NHS: variants seen among roughly 807,000 people sequenced by gnomAD.
The protein encoded by NHS is NHS actin remodeling regulator.
NHS carries 5 observed loss-of-function variants against 72.5 expected under a neutral mutation model. The observed-to-expected ratio is 0.07, with a 90% confidence interval of 0.04 to 0.14. The LOEUF (loss-of-function observed/expected upper bound fraction) is 0.14. Ranked by LOEUF, NHS falls within the 10% of genes least tolerant of loss-of-function variation. The pLI is 1.00. For missense variants in NHS, 1,072 were observed against 1,355.7 expected, an observed-to-expected ratio of 0.79 and a Z score of 3.29; for synonymous variants, 464 against 547.7, an observed-to-expected ratio of 0.85 and a Z score of 2.13.
intron 1 of NHS, among the ~76,000 whole-genome samples, chrX:17,511,178 C>T (rs981128634): frequency 2.7e-5 from 3 of 111,796 alleles, no homozygotes; most frequent in Non-Finnish European, 3.8e-5. Context: ...GCTGGGAGGC[C>T]CTCATGCCTG....
At chrX:17,421,473 A>C (rs1299228292) in intron 1 of NHS, among the ~76,000 whole-genome samples, 2 of 112,209 alleles carry the variant, frequency 1.8e-5, no homozygotes, top group African/African-American at 6.5e-5. Context: ...GTGAATATTT[A>C]TCATTTGAAC....
At chrX:17,687,456 G>A (rs2066169537) in intron 1 of NHS, 1 of 363,087 alleles carries the variant, frequency 2.8e-6, no homozygotes, top group Admixed American at 4.2e-5. Flanking sequence ...ATGAGCGACT[G>A]TGCCAAGGGT....
At position 17,672,131 on chromosome X, in the gene NHS, T is replaced by C. The variant is rs376069229; in HGVS notation, c.566-15611T>C. On this transcript the variant is annotated intron_variant, in intron 1 of 8. Coordinates refer to ENST00000676302, the MANE Select transcript of NHS (RefSeq NM_001291867.2). Reference sequence around the variant, plus strand: ...ATATAGCGAGTTCATTGAATTAGTGTACCATTAGCTGCTGTAACAAACCCC... The same window carrying C: ...ATATAGCGAGTTCATTGAATTAGTGCACCATTAGCTGCTGTAACAAACCCC... Among the ~76,000 whole-genome samples, 8 of 112,483 alleles carry C rather than the reference T, an allele frequency of 7.1e-5. No individual in the cohort carries two copies. The East Asian group carries it at 8.4e-4, about 12-fold the overall frequency.
intron 1 of NHS, among the ~76,000 whole-genome samples, chrX:17,416,819 TGAGAGA>T (rs576288851): frequency 9.2e-5 from 9 of 98,196 alleles, no homozygotes; most frequent in South Asian, 4.7e-4. Flanking sequence ...TGTGTGTGTG[TGAGAGA>T]GAGAGAGAGA....
At chrX:17,513,032 T>C (rs1276557985) in intron 1 of NHS, among the ~76,000 whole-genome samples, 1 of 112,182 alleles carries the variant, frequency 8.9e-6, no homozygotes, top group Non-Finnish European at 1.9e-5. Flanking sequence ...ACCTGGAGAC[T>C]GCAACCCTGT....
chrX:17,587,911 A>C (rs1168930136), intron 1 of NHS, among the ~76,000 whole-genome samples: 1 of 112,705 alleles, frequency 8.9e-6, no homozygotes, highest in African/African-American at 3.2e-5. Context: ...AAAGCTAATG[A>C]TCTTGTGAAA....
rs185330985 is a variant in NHS, at chrX:17,545,551, A to G, written c.566-142191A>G. ...CCCTGACTGTAAGAGCAATTGGGAAATGTAGTCCAGCTCCTGCCTGGGGAG... is the reference window on the plus strand; with the variant it reads ...CCCTGACTGTAAGAGCAATTGGGAAGTGTAGTCCAGCTCCTGCCTGGGGAG... On this transcript the variant is annotated intron_variant, in intron 1 of 8. Coordinates refer to ENST00000676302, the MANE Select transcript of NHS (RefSeq NM_001291867.2). 4.2e-4 allele frequency among the ~76,000 whole-genome samples: 47 copies of G among 111,854 alleles called. 1 individual carries two copies. The highest frequency in any genetic ancestry group is 2.4e-3 in the Admixed American group (25 of 10,565).
intron 1 of NHS, among the ~76,000 whole-genome samples, chrX:17,538,851 G>A (rs12392758): frequency 0.025 from 2,743 of 111,751 alleles, 77 homozygotes; most frequent in African/African-American, 0.083. Flanking sequence ...TCCTGGGAGC[G>A]CATTAGATGT....
At chrX:17,481,216 A>T (rs939857004) in intron 1 of NHS, among the ~76,000 whole-genome samples, 1 of 112,027 alleles carries the variant, frequency 8.9e-6, no homozygotes, top group Non-Finnish European at 1.9e-5. Context: ...CATTTAATGA[A>T]TAAGGCGGTG....
chrX:17,429,258 GCA>G (rs2064674445), intron 1 of NHS, among the ~76,000 whole-genome samples: 1 of 94,234 alleles, frequency 1.1e-5, no homozygotes. Flanking sequence ...GTGTGTGTGT[GCA>G]CACGTGCGCG....
At chrX:17,408,162 T>C (rs12843187) in intron 1 of NHS, among the ~76,000 whole-genome samples, 41,519 of 109,093 alleles carry the variant, frequency 0.38, 7,009 homozygotes, top group Non-Finnish European at 0.51. Context: ...TGTGCCACCA[T>C]ACCTGGCTAA....
chrX:17,385,624 A>G (rs953452734), intron 1 of NHS, among the ~76,000 whole-genome samples: 1 of 112,099 alleles, frequency 8.9e-6, no homozygotes, highest in Admixed American at 9.4e-5. Flanking sequence ...ATTGCTCCTC[A>G]GTTTTTAAAA....
intron 1 of NHS, among the ~76,000 whole-genome samples, chrX:17,556,490 G>T (rs2065374195): frequency 8.8e-6 from 1 of 113,086 alleles, no homozygotes; most frequent in Non-Finnish European, 1.9e-5. Flanking sequence ...ACCACAGCAA[G>T]AGCTGATGCT....
In NHS at chrX:17,726,542, C is replaced by A; in HGVS notation, c.2436C>A (p.Gly812=). Reference sequence around the variant, plus strand: ...ATGCAGCCCTGGGCCCAGAGAATGGCCAGGGTGTAGGGGCTTCCCCTGGTC... The same window carrying A: ...ATGCAGCCCTGGGCCCAGAGAATGGACAGGGTGTAGGGGCTTCCCCTGGTC... The part of the protein sequence containing the change: ...CHYAALGPEN[G]QGVGASPGLP... The change falls in exon 7 of 9, where the codon GGC becomes GGA. Residue 812 remains glycine, a synonymous_variant. Transcript: ENST00000676302. 12 of 1,211,947 alleles carry A rather than the reference C, an allele frequency of 9.9e-6. No homozygotes were observed. The highest frequency in any genetic ancestry group is 1.2e-5 in the Non-Finnish European group (11 of 895,534).
At chrX:17,648,557 G>A (rs2065916551) in intron 1 of NHS, among the ~76,000 whole-genome samples, 1 of 112,358 alleles carries the variant, frequency 8.9e-6, no homozygotes, top group Admixed American at 9.4e-5. Flanking sequence ...CCGTAATAAC[G>A]AAGCACCTGT....
chrX:17,629,415 CT>C (rs1269950070), intron 1 of NHS, among the ~76,000 whole-genome samples: 1 of 112,040 alleles, frequency 8.9e-6, no homozygotes, highest in East Asian at 2.8e-4. Context: ...GCAACACTTC[CT>C]TGATGAGAGC....
intron 3 of NHS, among the ~76,000 whole-genome samples, chrX:17,712,262 T>C (rs2066335088): frequency 1.6e-5 from 1 of 61,514 alleles, no homozygotes; most frequent in Admixed American, 1.9e-4. Flanking sequence ...TGTATATATA[T>C]ATATATATAT....
intron 1 of NHS, among the ~76,000 whole-genome samples, chrX:17,562,559 C>G (rs147476256): frequency 9.0e-6 from 1 of 111,068 alleles, no homozygotes; most frequent in Non-Finnish European, 1.9e-5. Context: ...GGGGAGGGCA[C>G]AGATGGTGGC....
rs960369766 is a variant in NHS at position 17,474,503 on chromosome X, A to T, written c.565+98181A>T. ...AAAGCTACTGGGGAGTGCCAGTGGA[A>T]TCAACACCTGCAAGGAGTGAGGGAA... On this transcript the variant is annotated intron_variant, in intron 1 of 8. Transcript: ENST00000676302. 6.3e-5 allele frequency among the ~76,000 whole-genome samples: 7 copies of T among 111,635 alleles called. No individual in the cohort carries two copies. In the Admixed American group the frequency reaches 6.6e-4, roughly 11 times the overall value.
Sources: gnomAD v4.1 joint callset for allele counts (sites outside exome capture counted in the v4.1 genomes callset) on GRCh38, gnomAD v4.1.1 for gene constraint, MANE v1.5 for transcripts, NCBI Gene and HGNC (gene_info 2026-07-23, HGNC 2026-07-21) for gene names.